The following DYNC1LI1 variants were observed in gnomAD, a reference collection of about 807,000 sequenced individuals.
DYNC1LI1 encodes the protein cytoplasmic dynein 1 light intermediate chain 1.
In DYNC1LI1, 19 loss-of-function variants were observed where a neutral mutation model predicts 63.8. That is an observed-to-expected ratio of 0.30 (90% confidence interval 0.21 to 0.44). DYNC1LI1 has a LOEUF of 0.44. Among genes scored for constraint, DYNC1LI1 ranks in the 20% least tolerant of loss-of-function variants. The pLI is 1.00. For missense variants in DYNC1LI1, 565 were observed against 630.2 expected (o/e 0.90, Z 1.11); for synonymous variants, 225 against 232.3 (o/e 0.97, Z 0.28).
chr3:32,533,524 GA>G (rs1697730560), intron 7 of DYNC1LI1, among the ~76,000 whole-genome samples: 1 of 151,468 alleles, frequency 6.6e-6, no homozygotes, highest in South Asian at 2.1e-4. Context: ...TAACTTGGGG[GA>G]AGGGGGCAGT....
Position 32,569,492 on chromosome 3 carries a change from G to A in DYNC1LI1, c.220+854C>T, listed in dbSNP as rs944170064. 3.2e-4 allele frequency among the ~76,000 whole-genome samples: 48 copies of A among 152,046 alleles called. 2 individuals are homozygous for A. Among genetic ancestry groups the A allele is most frequent in the Admixed American group, 2.9e-3 (44 of 15,260 alleles). On this transcript the variant is annotated intron_variant, in intron 2 of 12. Transcript: ENST00000273130. The stretch of plus-strand genomic sequence containing the variant: ...CAACAAAAAACTCTGGTATTGAGCC[G>A]ACACCAAATACCAAAGTTTTTAAAT...
In DYNC1LI1 at chr3:32,530,445, T is replaced by C. The variant is rs1441130642; in HGVS notation, c.1140+16A>G. ...CCATTAACCATACTAAGTCTGCTTC[T>C]GATATAATTTCATACCTGTAGCTTC... On this transcript the variant is annotated intron_variant, in intron 9 of 12. Coordinates refer to ENST00000273130, the MANE Select transcript of DYNC1LI1 (RefSeq NM_016141.4). 6.2e-7 allele frequency: 1 copy of C among 1,612,492 alleles called. No individual in the cohort carries two copies. The highest frequency in any genetic ancestry group is 8.5e-7 in the Non-Finnish European group (1 of 1,178,824).
rs954070299 is a variant in DYNC1LI1 at position 32,548,163 on chromosome 3, G to A, written c.221-2198C>T. On this transcript the variant is annotated intron_variant, in intron 2 of 12. Coordinates refer to ENST00000273130, the MANE Select transcript of DYNC1LI1 (RefSeq NM_016141.4). ...CCCCAACCCACTGGGCTGTGGACCG[G>A]TACCAGTCTATGGCCTGTCAGGAAC... Among the ~76,000 whole-genome samples, 31 of 152,026 alleles carry A rather than the reference G, an allele frequency of 2.0e-4. 1 individual carries two copies. Among genetic ancestry groups the A allele is most frequent in the Non-Finnish European group, 7.4e-5 (5 of 67,988 alleles).
At chr3:32,548,397 C>T (rs1697987422) in intron 2 of DYNC1LI1, among the ~76,000 whole-genome samples, 1 of 152,166 alleles carries the variant, frequency 6.6e-6, no homozygotes, top group African/African-American at 2.4e-5. Flanking sequence ...AACGTCCCCA[C>T]CCAGTCCATG....
intron 6 of DYNC1LI1, 25 bp from the exon 7 acceptor site, chr3:32,534,671 T>A: frequency 6.6e-7 from 1 of 1,511,704 alleles, no homozygotes. Context: ...TAAAGAAAAA[T>A]TCTGGACAAA....
In DYNC1LI1 at chr3:32,526,668, C is replaced by A. The variant is rs954687928; in HGVS notation, c.*131G>T. 2.2e-5 allele frequency: 15 copies of A among 668,568 alleles called. No homozygotes were observed. The highest frequency in any genetic ancestry group is 5.5e-5 in the African/African-American group (3 of 55,026). 41.4% of individuals were successfully genotyped at this position (668,568 alleles called of 1,614,324 possible). A position where few individuals can be genotyped will look rare whatever the true frequency, so the allele number is the denominator to read the frequency against. On this transcript the variant is annotated 3_prime_UTR_variant, in exon 13 of 13. Transcript: ENST00000273130. ...AAATGGGTAACCACACACACACACA[C>A]ACACACACACGACATAAATTTAGTC... is the stretch of plus-strand genomic sequence containing the variant.
In DYNC1LI1 at chr3:32,541,108, C is replaced by T. The variant is rs147271208; in HGVS notation, c.667G>A (p.Val223Ile). ...TASQEDKDDS[V>I]VLPLGADTLT... The stretch of plus-strand genomic sequence containing the variant: ...GTATCCGCACCCAGAGGTAAAACTA[C>T]ACTGTCATCTTTGTCTTCTTGTGAC... The change falls in exon 5 of 13, where the codon GTA (valine) becomes ATA (isoleucine). Residue 223 changes from valine to isoleucine, a missense_variant. Val to Ile is a conservative substitution (Grantham distance 29, BLOSUM62 3). Transcript: ENST00000273130. 12 of 1,613,708 alleles carry T rather than the reference C, an allele frequency of 7.4e-6. No homozygotes were observed. Among genetic ancestry groups the T allele is most frequent in the Admixed American group, 1.7e-5 (1 of 59,960 alleles).
chr3:32,566,764 AAAAC>A (rs1419096600), intron 2 of DYNC1LI1: 3 of 430,168 alleles, frequency 7.0e-6, no homozygotes, highest in African/African-American at 2.1e-5. Flanking sequence ...AACAAACAAA[AAAAC>A]AAATATAATC....
chr3:32,549,039 G>GT (rs1697996657), intron 2 of DYNC1LI1, among the ~76,000 whole-genome samples: 1 of 151,844 alleles, frequency 6.6e-6, no homozygotes, highest in Non-Finnish European at 1.5e-5. Flanking sequence ...GAAATAACCA[G>GT]TAAAAAATAA....
At chr3:32,535,812 C>G (rs905668037) in intron 6 of DYNC1LI1, among the ~76,000 whole-genome samples, 2 of 152,126 alleles carry the variant, frequency 1.3e-5, no homozygotes, top group Non-Finnish European at 2.9e-5. Context: ...CTTTTAAAAT[C>G]AACTGGCTCT....
chr3:32,570,316 G>A, intron 2 of DYNC1LI1, 30 bp downstream of exon 2: 3 of 1,555,318 alleles, frequency 1.9e-6, no homozygotes, highest in Non-Finnish European at 2.6e-6. Context: ...TGGGGGCCGG[G>A]CGGGGCGGGG....
chr3:32,570,825 G>C lies in DYNC1LI1; in HGVS notation c.-55C>G, dbSNP rs1559447614. ...AGACTAAATGTGCGAGGCGGCTGAG[G>C]CGGTGGCGGTGGAGGCGGCGGGAAC... On this transcript the variant is annotated 5_prime_UTR_variant, in exon 1 of 13. Coordinates refer to ENST00000273130, the MANE Select transcript of DYNC1LI1 (RefSeq NM_016141.4). The C allele has an allele frequency of 1.9e-6, 3 of 1,558,816 alleles. No homozygotes were observed. Among genetic ancestry groups the C allele is most frequent in the African/African-American group, 2.8e-5 (2 of 72,246 alleles).
rs371402719 is a variant in DYNC1LI1 at position 32,570,396 on chromosome 3, G to C, written c.170C>G (p.Ser57Cys). The C allele has an allele frequency of 3.7e-6, 6 of 1,606,132 alleles. No individual in the cohort carries two copies. Among genetic ancestry groups the C allele is most frequent in the Non-Finnish European group, 5.1e-6 (6 of 1,177,406 alleles). Residue 57 changes from serine to cysteine, a missense_variant, in exon 2 of 13, where the codon TCC becomes TGC. By Grantham distance (112) the Ser-to-Cys change is moderately radical. Transcript: ENST00000273130. ...AGGGAGCTTGGAGCGCGAGCGGGTG[G>C]AGACCTCGCTGAGGATGCAGGACCT... ...NLWSCILSEV[S>C]TRSRSKLPAG... is the part of the protein sequence containing the mutation.
intron 2 of DYNC1LI1, among the ~76,000 whole-genome samples, chr3:32,562,772 T>G (rs891008054): frequency 7.2e-5 from 11 of 152,200 alleles, no homozygotes; most frequent in Non-Finnish European, 1.6e-4. Flanking sequence ...CCATGATGCA[T>G]GAAATAATCT....
intron 2 of DYNC1LI1, among the ~76,000 whole-genome samples, chr3:32,548,368 T>TA (rs1485986112): frequency 1.3e-5 from 2 of 152,040 alleles, no homozygotes; most frequent in Admixed American, 1.3e-4. Context: ...TGATCTGAGG[T>TA]AAAAGAGTTT....
intron 3 of DYNC1LI1, 91 bp downstream of exon 3, chr3:32,545,758 A>C: frequency 2.3e-6 from 2 of 875,724 alleles, no homozygotes; most frequent in Non-Finnish European, 3.8e-6. Flanking sequence ...TTCTAGTAAA[A>C]AATTACACAC....
chr3:32,526,861 G>C lies in DYNC1LI1; in HGVS notation c.1510C>G (p.Arg504Gly). ...GTGGGAGAAACTGTAACTGGTTTTC[G>C]TGTAATTCTGTCTAGTTCTGCATGA... ...DVHAELDRIT[R>G]KPVTVSPTTP... The change falls in exon 13 of 13, where the codon CGA (arginine) becomes GGA (glycine). Residue 504 changes from arginine (R) to glycine (G), a missense_variant. Transcript: ENST00000273130. 1.9e-6 allele frequency: 3 copies of C among 1,613,968 alleles called. No homozygotes were observed. Among genetic ancestry groups the C allele is most frequent in the East Asian group, 2.2e-5 (1 of 44,864 alleles).
chr3:32,567,705 T>C (rs1377225475), intron 2 of DYNC1LI1, among the ~76,000 whole-genome samples: 1 of 126,180 alleles, frequency 7.9e-6, no homozygotes, highest in African/African-American at 3.6e-5. Flanking sequence ...TACCCGGCCT[T>C]TTTTTTTTTT....
rs141976618 is a variant in DYNC1LI1 at position 32,569,371 on chromosome 3, A to G, written c.220+975T>C. On this transcript the variant is annotated intron_variant, in intron 2 of 12. Transcript: ENST00000273130. ...GTCTATTAAAAAAGTAATTTTTTCT[A>G]TGTAAACATTCATATTTAACCACGC... 7.4e-3 allele frequency among the ~76,000 whole-genome samples: 1,133 copies of G among 152,320 alleles called. 18 individuals are homozygous for G. The highest frequency in any genetic ancestry group is 0.026 in the African/African-American group (1,071 of 41,564).
Sources: allele counts gnomAD v4.1 joint callset (sites outside exome capture counted in the v4.1 genomes callset), GRCh38; gene constraint gnomAD v4.1.1; transcripts MANE v1.5; gene names NCBI Gene and HGNC (gene_info 2026-07-23, HGNC 2026-07-21).